NCOA1: variants seen among roughly 807,000 people sequenced by gnomAD.
The protein encoded by NCOA1 is Hin-2 protein.
In NCOA1, 35 loss-of-function variants were observed where a neutral mutation model predicts 150.9. That is an observed-to-expected ratio of 0.23 (90% confidence interval 0.18 to 0.31). NCOA1 has a LOEUF of 0.31. Among genes scored for constraint, NCOA1 ranks in the 10% least tolerant of loss-of-function variants. NCOA1 has a pLI of 1.00. For synonymous variants in NCOA1, 590 were observed against 630.0 expected (o/e 0.94, Z 0.95); for missense variants, 1,491 against 1,749.3 (o/e 0.85, Z 2.63).
At chr2:24,756,259 A>T (rs1409753025) in intron 20 of NCOA1, among the ~76,000 whole-genome samples, 1 of 152,090 alleles carries the variant, frequency 6.6e-6, no homozygotes, top group Non-Finnish European at 1.5e-5. Flanking sequence ...CCATCTCCAA[A>T]AACAAAAGAA....
chr2:24,704,896 A>C (rs17792437), intron 11 of NCOA1, among the ~76,000 whole-genome samples, 190 bp from the exon 12 acceptor site: 23,276 of 152,186 alleles, frequency 0.15, 2,137 homozygotes, highest in Non-Finnish European at 0.21. Flanking sequence ...ATCAAGTGGT[A>C]TATTTCAACT....
At chr2:24,682,458 C>T (rs1012480696) in intron 7 of NCOA1, among the ~76,000 whole-genome samples, 6 of 152,142 alleles carry the variant, frequency 3.9e-5, no homozygotes, top group Non-Finnish European at 4.4e-5. Flanking sequence ...CCCCGTAGGA[C>T]GCATATGTCT....
At chr2:24,516,507 AT>A (rs929801259) in intron 1 of NCOA1, among the ~76,000 whole-genome samples, 3 of 150,386 alleles carry the variant, frequency 2.0e-5, no homozygotes, top group African/African-American at 4.9e-5. Context: ...TTTTTTTTTA[AT>A]TGAGGGGAGG....
At chr2:24,603,563 A>G (rs1014552088) in intron 3 of NCOA1, among the ~76,000 whole-genome samples, 9 of 152,240 alleles carry the variant, frequency 5.9e-5, no homozygotes, top group African/African-American at 1.7e-4. Context: ...TTCACACAGT[A>G]TCTTCACCAG....
intron 3 of NCOA1, among the ~76,000 whole-genome samples, chr2:24,607,941 T>C (rs1668445725): frequency 1.3e-5 from 2 of 152,106 alleles, no homozygotes; most frequent in Non-Finnish European, 2.9e-5. Flanking sequence ...TGTAATACCA[T>C]ACAATACACT....
chr2:24,541,372 G>C (rs1056712852), intron 1 of NCOA1, among the ~76,000 whole-genome samples: 1 of 152,162 alleles, frequency 6.6e-6, no homozygotes, highest in African/African-American at 2.4e-5. Context: ...ATTACCAAAG[G>C]ATAAGAAAGG....
intron 14 of NCOA1, among the ~76,000 whole-genome samples, chr2:24,714,801 C>T (rs768953463): frequency 2.0e-5 from 3 of 151,788 alleles, no homozygotes; most frequent in Non-Finnish European, 4.4e-5. Context: ...AAAATATTTA[C>T]AAATTTGTGG....
chr2:24,686,489 T>C (rs909619165), intron 8 of NCOA1, among the ~76,000 whole-genome samples: 2 of 152,222 alleles, frequency 1.3e-5, no homozygotes, highest in Non-Finnish European at 2.9e-5. Context: ...TTAGGCATGC[T>C]GCTTTCTAGC....
chr2:24,620,474 C>A (rs1669088472), intron 3 of NCOA1, among the ~76,000 whole-genome samples: 1 of 152,082 alleles, frequency 6.6e-6, no homozygotes, highest in South Asian at 2.1e-4. Context: ...TGTGGTGGTG[C>A]ATGCCTGTAA....
intron 17 of NCOA1, among the ~76,000 whole-genome samples, chr2:24,736,495 CTT>C (rs902705452): frequency 7.9e-5 from 12 of 152,026 alleles, no homozygotes; most frequent in African/African-American, 2.9e-4. Flanking sequence ...TATTGATCAT[CTT>C]TTATATATTA....
At chr2:24,765,407 G>A (rs1396144856) in intron 22 of NCOA1, among the ~76,000 whole-genome samples, 1 of 151,898 alleles carries the variant, frequency 6.6e-6, no homozygotes, top group Non-Finnish European at 1.5e-5. Flanking sequence ...GCTGAGGCAG[G>A]AGAATGGCGT....
intron 4 of NCOA1, among the ~76,000 whole-genome samples, chr2:24,644,360 C>G (rs1670368007): frequency 6.6e-6 from 1 of 152,058 alleles, no homozygotes; most frequent in Non-Finnish European, 1.5e-5. Context: ...CCTCAAAGTC[C>G]TTACTGAATT....
At position 24,705,199 on chromosome 2, in the gene NCOA1, C is replaced by G. The variant is rs778770375; in HGVS notation, c.1063C>G (p.Gln355Glu). 3.1e-6 allele frequency: 5 copies of G among 1,613,806 alleles called. No individual in the cohort carries two copies. The highest frequency in any genetic ancestry group is 3.4e-6 in the Non-Finnish European group (4 of 1,179,816). The change falls in exon 12 of 23, where the codon CAA (glutamine) becomes GAA (glutamate). Residue 355 changes from glutamine (Q) to glutamate (E), a missense_variant. Physicochemically the swap from Gln to Glu is conservative, Grantham distance 29. Transcript: ENST00000348332. ...TTGCTACCCTCAAAGTCCAGACATGCAACCTTTCATCATGGGAATTCATAT... is the reference window on the plus strand; with the variant it reads ...TTGCTACCCTCAAAGTCCAGACATGGAACCTTTCATCATGGGAATTCATAT... ...KLCYPQSPDMQPFIMGIHIID... is the reference protein window; with the variant it reads ...KLCYPQSPDMEPFIMGIHIID...
chr2:24,642,204 G>A (rs1381303200), intron 3 of NCOA1, among the ~76,000 whole-genome samples: 1 of 151,752 alleles, frequency 6.6e-6, no homozygotes, highest in African/African-American at 2.4e-5. Context: ...AGTCTGGCCA[G>A]TGAATCTTAG....
chr2:24,738,570 A>T (rs1251172632), intron 17 of NCOA1, among the ~76,000 whole-genome samples: 1 of 152,210 alleles, frequency 6.6e-6, no homozygotes, highest in African/African-American at 2.4e-5. Flanking sequence ...AGAGATAGAT[A>T]TTAATGGTTA....
chr2:24,714,865 A>AG, intron 14 of NCOA1, among the ~76,000 whole-genome samples: 1 of 152,234 alleles, frequency 6.6e-6, no homozygotes. Flanking sequence ...CAAAATAAAC[A>AG]CAAAGAAAAC....
At position 24,551,525 on chromosome 2, in the gene NCOA1, C is replaced by T. The variant is rs143977331; in HGVS notation, c.-395-12770C>T. 2.6e-5 allele frequency among the ~76,000 whole-genome samples: 4 copies of T among 152,028 alleles called. No homozygotes were observed. The East Asian group carries it at 7.7e-4, about 29-fold the overall frequency. On this transcript the variant is annotated intron_variant, in intron 1 of 22. Transcript: ENST00000348332. Reference sequence around the variant, plus strand: ...TTAAGCATCATATATAAAAACTCTCCGTCAGTGAGAGGTTGGCAAACTAAC... The same window carrying T: ...TTAAGCATCATATATAAAAACTCTCTGTCAGTGAGAGGTTGGCAAACTAAC...
intron 8 of NCOA1, among the ~76,000 whole-genome samples, chr2:24,687,120 A>C (rs1672442459): frequency 6.6e-6 from 1 of 151,812 alleles, no homozygotes; most frequent in Non-Finnish European, 1.5e-5. Flanking sequence ...TACCTACCTT[A>C]ATTAAGGTAG....
chr2:24,666,638 A>C (rs891711798), intron 6 of NCOA1, among the ~76,000 whole-genome samples: 1 of 145,358 alleles, frequency 6.9e-6, no homozygotes, highest in Non-Finnish European at 1.5e-5. Context: ...AAAAACCCGG[A>C]TTTTTTTTTT....
Sources: gnomAD v4.1 joint callset for allele counts (sites outside exome capture counted in the v4.1 genomes callset) on GRCh38, gnomAD v4.1.1 for gene constraint, MANE v1.5 for transcripts, NCBI Gene and HGNC (gene_info 2026-07-23, HGNC 2026-07-21) for gene names.